Variants in SPEF2 observed in about 807,000 individuals in gnomAD.
The protein encoded by SPEF2 is sperm flagella and cilia-associated protein 2.
A neutral mutation model predicts 224.6 loss-of-function variants in SPEF2; 187 were observed. That is an observed-to-expected ratio of 0.83 (90% CI 0.74 to 0.94). SPEF2 has a LOEUF of 0.94. Ranked by LOEUF, SPEF2 falls within the 40% of genes least tolerant of loss-of-function variation. The pLI, the probability that SPEF2 is intolerant of heterozygous loss-of-function variation, is 0.00. For synonymous variants in SPEF2, 715 were observed against 707.3 expected (o/e 1.01, Z -0.17); for missense variants, 2,170 against 2,135.6 (o/e 1.02, Z -0.32).
At chr5:35,629,151 C>CT (rs768077049) in intron 2 of SPEF2, among the ~76,000 whole-genome samples, 2,613 of 88,304 alleles carry the variant, frequency 0.03, 640 homozygotes, top group African/African-American at 0.098. Flanking sequence ...TCGATTGTTC[C>CT]TTTTTTTTTT....
In SPEF2 at chr5:35,751,013, G is replaced by GTATATATATACACATATGTA. The variant is rs1554048611; in HGVS notation, c.3331-2600_3331-2599insACATATGTATATATATATAC. ...TATATATATGTATATATATATATAC[G>GTATATATATACACATATGTA]TATATATATACGTATATATATACAC... On this transcript the variant is annotated intron_variant, in intron 23 of 36. Coordinates refer to ENST00000356031, the MANE Select transcript of SPEF2 (RefSeq NM_024867.4). Among the ~76,000 whole-genome samples, 4 of 90,756 alleles carry GTATATATATACACATATGTA rather than the reference G, an allele frequency of 4.4e-5. 1 individual carries two copies. Among genetic ancestry groups the GTATATATATACACATATGTA allele is most frequent in the African/African-American group, 9.2e-5 (2 of 21,692 alleles). The allele number at this position is 90,756 out of a possible 152,430, so 59.5% of individuals were successfully genotyped here.
chr5:35,793,023 A>G lies in SPEF2; in HGVS notation c.4555-136A>G, dbSNP rs1452836499. The G allele has an allele frequency of 9.2e-6, 7 of 761,526 alleles. No individual in the cohort carries two copies. In the East Asian group the frequency reaches 1.9e-4, roughly 21 times the overall value. 47.2% of individuals were successfully genotyped at this position (761,526 alleles called of 1,614,324 possible). ...TGGTTGGTAGAATAAAGGAAACAAA[A>G]GTCAGAACTGATTCTATGTGCCAGT... On this transcript the variant is annotated intron_variant, in intron 31 of 36. Coordinates refer to ENST00000356031, the MANE Select transcript of SPEF2 (RefSeq NM_024867.4).
intron 10 of SPEF2, among the ~76,000 whole-genome samples, chr5:35,689,616 C>T (rs1754160219): frequency 1.3e-5 from 2 of 152,126 alleles, no homozygotes; most frequent in Admixed American, 1.3e-4. Flanking sequence ...TGATTTTCTG[C>T]TTCTGCATTA....
chr5:35,771,706 A>G lies in SPEF2; in HGVS notation c.3899A>G (p.Lys1300Arg), dbSNP rs940220586. The change falls in exon 27 of 37, where the codon AAA (lysine) becomes AGA (arginine). Residue 1300 changes from lysine to arginine, a missense_variant. By Grantham distance (26) the Lys-to-Arg change is conservative. Coordinates refer to ENST00000356031, the MANE Select transcript of SPEF2 (RefSeq NM_024867.4). ...EKSPQMGANK[K>R]VKKEPPKKKQ... Reference sequence around the variant, plus strand: ...TCTCCTCAGATGGGTGCAAATAAAAAAGTCAAAAAGGAGCCACCCAAGAAA... The same window carrying G: ...TCTCCTCAGATGGGTGCAAATAAAAGAGTCAAAAAGGAGCCACCCAAGAAA... The G allele has an allele frequency of 1.2e-6, 2 of 1,602,492 alleles. No homozygotes were observed. The highest frequency in any genetic ancestry group is 1.4e-5 in the African/African-American group (1 of 73,910).
rs1240670506 is a variant in SPEF2, at chr5:35,751,013, G to GTA, written c.3331-2602_3331-2601dup. On this transcript the variant is annotated intron_variant, in intron 23 of 36. Transcript: ENST00000356031. ...TATATATATGTATATATATATATACGTATATATATACGTATATATATACAC... is the reference window on the plus strand; with the variant it reads ...TATATATATGTATATATATATATACGTATATATATATACGTATATATATACAC... Among the ~76,000 whole-genome samples, 37 of 90,756 alleles carry GTA rather than the reference G, an allele frequency of 4.1e-4. 1 individual carries two copies. The highest frequency in any genetic ancestry group is 1.4e-3 in the East Asian group (5 of 3,598). The allele number at this position is 90,756 out of a possible 152,430, so 59.5% of individuals were successfully genotyped here.
chr5:35,751,080 C>CGTATATATATATATATATATAT (rs1749529999), intron 23 of SPEF2, among the ~76,000 whole-genome samples: 1 of 43,736 alleles, frequency 2.3e-5, no homozygotes, highest in Non-Finnish European at 4.5e-5. Flanking sequence ...TATATATATA[C>CGTATATATATATATATATATAT]ACACACACAC....
At chr5:35,695,306 G>T in intron 13 of SPEF2, among the ~76,000 whole-genome samples, 1 of 147,680 alleles carries the variant, frequency 6.8e-6, no homozygotes. Flanking sequence ...AAACACCTCT[G>T]ACTTCTAGAG....
intron 6 of SPEF2, among the ~76,000 whole-genome samples, chr5:35,649,777 G>A (rs1747924875): frequency 6.6e-6 from 1 of 152,168 alleles, no homozygotes; most frequent in African/African-American, 2.4e-5. Flanking sequence ...TTCTAGTTTG[G>A]TTTATATCAT....
At chr5:35,689,176 C>A (rs970752738) in intron 10 of SPEF2, among the ~76,000 whole-genome samples, 8 of 152,140 alleles carry the variant, frequency 5.3e-5, no homozygotes, top group South Asian at 2.1e-4. Context: ...TTTTTCATTT[C>A]TTTCATGGCT....
intron 16 of SPEF2, among the ~76,000 whole-genome samples, chr5:35,702,933 TG>T (rs1246059054): frequency 1.3e-5 from 2 of 151,946 alleles, no homozygotes; most frequent in African/African-American, 4.8e-5. Flanking sequence ...GTTTGGTGAC[TG>T]GTATGCGAGC....
intron 34 of SPEF2, among the ~76,000 whole-genome samples, chr5:35,803,834 T>C (rs1189016149): frequency 8.5e-5 from 13 of 152,370 alleles, no homozygotes; most frequent in Non-Finnish European, 7.3e-5. Flanking sequence ...CATTCTTCTT[T>C]ACTCTATTTC....
intron 2 of SPEF2, among the ~76,000 whole-genome samples, chr5:35,634,673 C>T (rs1745578278): frequency 6.6e-6 from 1 of 151,934 alleles, no homozygotes; most frequent in Non-Finnish European, 1.5e-5. Flanking sequence ...GTCTCTGAGG[C>T]TTTGTTCATT....
chr5:35,789,502 G>A (rs974861591), intron 30 of SPEF2: 10 of 651,690 alleles, frequency 1.5e-5, no homozygotes, highest in East Asian at 2.7e-5. Flanking sequence ...CCCAGACTAG[G>A]GCCAAAAGAA....
chr5:35,730,299 G>A (rs534539629), intron 21 of SPEF2, among the ~76,000 whole-genome samples: 2 of 152,348 alleles, frequency 1.3e-5, no homozygotes, highest in South Asian at 4.1e-4. Flanking sequence ...TAGAGTGAGA[G>A]GTCTTTGCTT....
At chr5:35,654,508 T>C (rs760140583) in intron 6 of SPEF2, 32 bp from the exon 7 acceptor site, 1 of 1,501,088 alleles carries the variant, frequency 6.7e-7, no homozygotes, top group South Asian at 1.4e-5. Flanking sequence ...CATTATTATT[T>C]AAAAATCTAA....
chr5:35,797,661 T>C (rs1444881936), intron 33 of SPEF2, among the ~76,000 whole-genome samples: 1 of 152,048 alleles, frequency 6.6e-6, no homozygotes, highest in Non-Finnish European at 1.5e-5. Flanking sequence ...GCAAAACAGG[T>C]TAACTATACA....
At chr5:35,690,985 C>T (rs2149531275) in intron 10 of SPEF2, 52 bp from the exon 11 acceptor site, 6 of 1,477,516 alleles carry the variant, frequency 4.1e-6, no homozygotes, top group South Asian at 1.2e-5. Flanking sequence ...TTTCATATAC[C>T]TAAATTCCAC....
rs773798927 is a variant in SPEF2 at position 35,806,725 on chromosome 5, G to A, written c.5029G>A (p.Gly1677Ser). Reference protein sequence around the residue: ...SAEKTSSTDAGPAEEFPEPEE... With the variant: ...SAEKTSSTDASPAEEFPEPEE... Reference sequence around the variant, plus strand: ...TTTGCAGACCTCCTCAACTGATGCAGGTCCAGCTGAGGAATTTCCTGAACC... The same window carrying A: ...TTTGCAGACCTCCTCAACTGATGCAAGTCCAGCTGAGGAATTTCCTGAACC... The change falls in exon 35 of 37, where the codon GGT becomes AGT. Residue 1677 changes from glycine (G) to serine (S), a missense_variant. Transcript: ENST00000356031. The A allele has an allele frequency of 2.5e-6, 4 of 1,613,590 alleles. No homozygotes were observed. Among genetic ancestry groups the A allele is most frequent in the Non-Finnish European group, 3.4e-6 (4 of 1,179,874 alleles).
intron 23 of SPEF2, among the ~76,000 whole-genome samples, chr5:35,744,968 A>G (rs774249632): frequency 6.6e-6 from 1 of 151,860 alleles, no homozygotes; most frequent in Non-Finnish European, 1.5e-5. Flanking sequence ...CCCAAATACT[A>G]TGAGTGCCCT....
Sources: allele counts gnomAD v4.1 joint callset (sites outside exome capture counted in the v4.1 genomes callset), GRCh38; gene constraint gnomAD v4.1.1; transcripts MANE v1.5; gene names NCBI Gene and HGNC (gene_info 2026-07-23, HGNC 2026-07-21).